The following ARHGAP6 variants were observed in gnomAD, a reference collection of about 807,000 sequenced individuals.
ARHGAP6 encodes the protein Rho GTPase activating protein 6.
ARHGAP6 carries 16 observed loss-of-function variants against 55.7 expected under a neutral mutation model. The observed-to-expected ratio is 0.29, with a 90% confidence interval of 0.19 to 0.44. The LOEUF (loss-of-function observed/expected upper bound fraction) is 0.44, where lower values mean the gene tolerates loss of function less well. ARHGAP6 is among the 20% of genes least tolerant of loss of function. The probability of loss-of-function intolerance (pLI) is 1.00; values close to 1 mark genes in which losing one functional copy is unlikely to be tolerated. For missense variants in ARHGAP6, 698 were observed against 808.9 expected, an observed-to-expected ratio of 0.86 and a Z score of 1.66; for synonymous variants, 382 against 360.9, an observed-to-expected ratio of 1.06 and a Z score of -0.66.
Position 11,593,601 on chromosome X carries a change from T to A in ARHGAP6, c.588+70640A>T, listed in dbSNP as rs549045007. 1.8e-4 allele frequency among the ~76,000 whole-genome samples: 20 copies of A among 112,091 alleles called. No individual in the cohort carries two copies. The South Asian group carries it at 7.1e-3, about 40-fold the overall frequency. The stretch of plus-strand genomic sequence containing the variant: ...CTATAGACTTTGGGTGATAAAGATA[T>A]GTCAGTGTAGGTTTACCAGTTGTAA... On this transcript the variant is annotated intron_variant, in intron 1 of 12. Coordinates refer to ENST00000337414, the MANE Select transcript of ARHGAP6 (RefSeq NM_013427.3).
intron 1 of ARHGAP6, among the ~76,000 whole-genome samples, chrX:11,340,531 C>T (rs373218378): frequency 1.8e-5 from 2 of 111,005 alleles, no homozygotes; most frequent in East Asian, 5.6e-4. Context: ...AGATGGAGAC[C>T]ATCCTGGCTA....
chrX:11,572,169 G>A (rs2051527774), intron 1 of ARHGAP6, among the ~76,000 whole-genome samples: 1 of 110,914 alleles, frequency 9.0e-6, no homozygotes, highest in Admixed American at 9.6e-5. Flanking sequence ...TGGGTAATGA[G>A]GTTTCTTTTT....
intron 1 of ARHGAP6, among the ~76,000 whole-genome samples, chrX:11,311,999 A>G (rs1302973645): frequency 8.9e-6 from 1 of 112,031 alleles, no homozygotes; most frequent in African/African-American, 3.2e-5. Flanking sequence ...CTGATAAAAA[A>G]AAAATGTTTC....
chrX:11,351,185 T>C (rs372926953), intron 1 of ARHGAP6, among the ~76,000 whole-genome samples: 53 of 110,576 alleles, frequency 4.8e-4, no homozygotes, highest in African/African-American at 1.7e-3. Flanking sequence ...TTTATTTACA[T>C]AAAAATGATG....
chrX:11,424,230 C>T (rs1473535749), intron 1 of ARHGAP6, among the ~76,000 whole-genome samples: 1 of 112,131 alleles, frequency 8.9e-6, no homozygotes, highest in African/African-American at 3.2e-5. Flanking sequence ...CTGTCAGCAG[C>T]GACACATGTG....
At chrX:11,561,023 T>G (rs1373620466) in intron 1 of ARHGAP6, among the ~76,000 whole-genome samples, 1 of 111,954 alleles carries the variant, frequency 8.9e-6, no homozygotes, top group East Asian at 2.8e-4. Context: ...AAAGTTTAAT[T>G]GGAACATAGC....
intron 1 of ARHGAP6, among the ~76,000 whole-genome samples, chrX:11,424,247 T>G (rs771885137): frequency 2.7e-5 from 3 of 112,453 alleles, no homozygotes; most frequent in South Asian, 7.4e-4. Flanking sequence ...TGTGCTGCCT[T>G]GAATTCTACT....
intron 2 of ARHGAP6, among the ~76,000 whole-genome samples, chrX:11,237,969 A>G (rs1215557350): frequency 9.0e-6 from 1 of 111,556 alleles, no homozygotes; most frequent in Admixed American, 9.5e-5. Context: ...TATCTACTAG[A>G]TGCCAGAGCA....
chrX:11,166,423 C>T lies in ARHGAP6; in HGVS notation c.1809+3082G>A, dbSNP rs139467033. ...CTTAAACCCAAGGACTGTGAAACTG[C>T]ACAATTACTAACTACTTTTAACCAT... On this transcript the variant is annotated intron_variant, in intron 9 of 12. Coordinates refer to ENST00000337414, the MANE Select transcript of ARHGAP6 (RefSeq NM_013427.3). Among the ~76,000 whole-genome samples, 587 of 112,116 alleles carry T rather than the reference C, an allele frequency of 5.2e-3. 5 individuals carry two copies. The highest frequency in any genetic ancestry group is 0.017 in the African/African-American group (518 of 30,860).
intron 1 of ARHGAP6, among the ~76,000 whole-genome samples, chrX:11,323,865 TCA>T (rs2048464249): frequency 2.6e-5 from 1 of 38,641 alleles, no homozygotes. Context: ...AACCCCCATT[TCA>T]AAAAAAAAAA....
chrX:11,486,571 T>C (rs1375613156), intron 1 of ARHGAP6, among the ~76,000 whole-genome samples: 1 of 112,305 alleles, frequency 8.9e-6, no homozygotes, highest in Non-Finnish European at 1.9e-5. Flanking sequence ...TTTCCCTCCT[T>C]CCTTTCCTGA....
chrX:11,559,965 A>T (rs1017709386), intron 1 of ARHGAP6, among the ~76,000 whole-genome samples: 1 of 78,265 alleles, frequency 1.3e-5, no homozygotes, highest in African/African-American at 5.4e-5. Context: ...ATAATAATAA[A>T]GTAGGAATTC....
chrX:11,575,554 A>C (rs2051586434), intron 1 of ARHGAP6, among the ~76,000 whole-genome samples: 1 of 111,470 alleles, frequency 9.0e-6, no homozygotes, highest in African/African-American at 3.3e-5. Context: ...GCAGCAAAAA[A>C]ACTTGCTACA....
chrX:11,174,031 T>G (rs1170210691), intron 8 of ARHGAP6, among the ~76,000 whole-genome samples: 1 of 111,834 alleles, frequency 8.9e-6, no homozygotes, highest in African/African-American at 3.3e-5. Context: ...AAAATATTGG[T>G]TTTTGACCAT....
chrX:11,391,345 A>T (rs973352701), intron 1 of ARHGAP6, among the ~76,000 whole-genome samples: 2 of 111,333 alleles, frequency 1.8e-5, no homozygotes, highest in Non-Finnish European at 3.8e-5. Flanking sequence ...GGATAGCATT[A>T]GGATATATAC....
At chrX:11,322,289 A>G (rs1336411488) in intron 1 of ARHGAP6, among the ~76,000 whole-genome samples, 1 of 111,641 alleles carries the variant, frequency 9.0e-6, no homozygotes, top group Non-Finnish European at 1.9e-5. Flanking sequence ...TGTGACCACA[A>G]AAGTCTCCAG....
intron 1 of ARHGAP6, among the ~76,000 whole-genome samples, chrX:11,287,061 C>A (rs2047930051): frequency 9.0e-6 from 1 of 110,661 alleles, no homozygotes; most frequent in Non-Finnish European, 1.9e-5. Flanking sequence ...AACACATGAA[C>A]TTTATAGCAT....
Position 11,221,044 on chromosome X carries a change from A to C in ARHGAP6, c.749-24048T>G, listed in dbSNP as rs754131599. ...ATCAAAAGAGACAAAGAAGGACATT[A>C]CATAATGGTAAAGGGATCAATTCAA... On this transcript the variant is annotated intron_variant, in intron 2 of 12. Coordinates refer to ENST00000337414, the MANE Select transcript of ARHGAP6 (RefSeq NM_013427.3). 7.2e-3 allele frequency among the ~76,000 whole-genome samples: 804 copies of C among 112,381 alleles called. 3 individuals carry two copies. The highest frequency in any genetic ancestry group is 0.023 in the Middle Eastern group (5 of 219).
At chrX:11,649,734 T>G (rs775442467) in intron 1 of ARHGAP6, among the ~76,000 whole-genome samples, 16 of 111,869 alleles carry the variant, frequency 1.4e-4, no homozygotes, top group Non-Finnish European at 3.0e-4. Flanking sequence ...GCTCCAATTA[T>G]ATATGGTAAT....
Sources: gnomAD v4.1 joint callset for allele counts (sites outside exome capture counted in the v4.1 genomes callset) on GRCh38, gnomAD v4.1.1 for gene constraint, MANE v1.5 for transcripts, NCBI Gene and HGNC (gene_info 2026-07-23, HGNC 2026-07-21) for gene names.